The following ECT2 variants were observed in gnomAD, a reference collection of about 807,000 sequenced individuals.
The protein encoded by ECT2 is epithelial cell transforming 2.
In ECT2, 61 loss-of-function variants were observed where a neutral mutation model predicts 116.9. The observed-to-expected ratio is 0.52, with a 90% CI of 0.42 to 0.65. The LOEUF (loss-of-function observed/expected upper bound fraction) is 0.65. ECT2 is among the 30% of genes least tolerant of loss of function. The pLI is 0.00. For synonymous variants in ECT2, 358 were observed against 346.4 expected (o/e 1.03, Z -0.37); for missense variants, 937 against 1,078.7 (o/e 0.87, Z 1.84).
At position 172,816,746 on chromosome 3, in the gene ECT2, T is replaced by A. The variant is rs767483120; in HGVS notation, c.2564T>A (p.Leu855His). The stretch of plus-strand genomic sequence containing the variant: ...CCAAAAAGAGCTCTTCGAAGGGCTC[T>A]TATGACATCCCACGGCTCAGTGGAG... ...KTPKRALRRALMTSHGSVEGR... is the reference protein window; with the variant it reads ...KTPKRALRRAHMTSHGSVEGR... The change falls in exon 24 of 25, where the codon CTT becomes CAT. Residue 855 changes from leucine to histidine, a missense_variant. Coordinates refer to ENST00000392692, the MANE Select transcript of ECT2 (RefSeq NM_001258315.2). The A allele has an allele frequency of 6.2e-7, 1 of 1,610,948 alleles. No individual in the cohort carries two copies. Among genetic ancestry groups the A allele is most frequent in the Non-Finnish European group, 8.5e-7 (1 of 1,177,992 alleles).
In ECT2 at chr3:172,764,287, C is replaced by T. The variant is rs1166636030; in HGVS notation, c.1078C>T (p.Pro360Ser). The T allele has an allele frequency of 5.6e-6, 9 of 1,613,932 alleles. No individual in the cohort carries two copies. Among genetic ancestry groups the T allele is most frequent in the Non-Finnish European group, 7.6e-6 (9 of 1,179,934 alleles). ...TMYLYEKANT[P>S]ELKKSVSMLS... The stretch of plus-strand genomic sequence containing the variant: ...GTGCTTTTGATTACAGGCAAATACT[C>T]CTGAGCTCAAGAAATCAGTGTCAAT... The change falls in exon 12 of 25, where the codon CCT (proline) becomes TCT (serine). Residue 360 changes from proline to serine, a missense_variant. Transcript: ENST00000392692.
At chr3:172,797,967 A>G (rs910030549) in intron 18 of ECT2, among the ~76,000 whole-genome samples, 8 of 152,172 alleles carry the variant, frequency 5.3e-5, no homozygotes, top group African/African-American at 1.9e-4. Context: ...GTTTTGATCA[A>G]ATGTCTTGAG....
chr3:172,794,849 G>A (rs1725324611), intron 18 of ECT2, among the ~76,000 whole-genome samples: 2 of 151,946 alleles, frequency 1.3e-5, no homozygotes, highest in African/African-American at 2.4e-5. Flanking sequence ...CGAGTAGCTG[G>A]GACTACAGGT....
At chr3:172,767,224 C>T (rs1196824626) in intron 12 of ECT2, among the ~76,000 whole-genome samples, 2 of 152,124 alleles carry the variant, frequency 1.3e-5, no homozygotes, top group African/African-American at 4.8e-5. Flanking sequence ...GGGCAGATCA[C>T]GAGTTCAGGA....
intron 22 of ECT2, among the ~76,000 whole-genome samples, chr3:172,811,049 C>T (rs1339907998): frequency 2.0e-5 from 3 of 152,022 alleles, no homozygotes; most frequent in Non-Finnish European, 2.9e-5. Flanking sequence ...GTTCTCAAGT[C>T]CAGCAGAACT....
At chr3:172,800,966 T>C (rs1726606424) in intron 18 of ECT2, among the ~76,000 whole-genome samples, 1 of 152,170 alleles carries the variant, frequency 6.6e-6, no homozygotes, top group Non-Finnish European at 1.5e-5. Context: ...TAACAAAAAA[T>C]GATAACTTTT....
chr3:172,756,891 TATTGA>T, intron 4 of ECT2, 87 bp from the exon 5 acceptor site: 1 of 1,049,912 alleles, frequency 9.5e-7, no homozygotes, highest in East Asian at 2.7e-5. Flanking sequence ...TTAAAGTTGA[TATTGA>T]ATTGATTGTT....
chr3:172,806,085 A>C (rs771657575), intron 21 of ECT2: 1 of 443,632 alleles, frequency 2.3e-6, no homozygotes, highest in Non-Finnish European at 4.0e-6. Flanking sequence ...ATCTCAACCT[A>C]TAGGATACCC....
intron 18 of ECT2, among the ~76,000 whole-genome samples, chr3:172,792,997 G>GCA (rs1300101699): frequency 2.6e-5 from 4 of 152,068 alleles, no homozygotes; most frequent in African/African-American, 9.7e-5. Context: ...TGGAATTACA[G>GCA]GTGGAGCTAC....
intron 8 of ECT2, among the ~76,000 whole-genome samples, chr3:172,762,139 A>T (rs1199907374): frequency 6.6e-6 from 1 of 152,110 alleles, no homozygotes; most frequent in Non-Finnish European, 1.5e-5. Context: ...AAGCCTTGGA[A>T]CACAGTACAT....
At chr3:172,776,198 C>CTTTTTTTTTTTTTTTTTTTTT (rs60558773) in intron 14 of ECT2, among the ~76,000 whole-genome samples, 12 of 111,600 alleles carry the variant, frequency 1.1e-4, no homozygotes, top group African/African-American at 1.7e-4. Flanking sequence ...TCAGTTTTTT[C>CTTTTTTTTTTTTTTTTTTTTT]TTTTTTTTTT....
At chr3:172,763,004 G>A (rs1412899383) in intron 11 of ECT2, 32 bp downstream of exon 11, 2 of 1,604,074 alleles carry the variant, frequency 1.2e-6, no homozygotes, top group Non-Finnish European at 1.7e-6. Flanking sequence ...TATTTGTTCT[G>A]TGAGCTTGAT....
chr3:172,760,134 G>A (rs753887027), intron 6 of ECT2, 22 bp from the exon 7 acceptor site: 1 of 1,541,762 alleles, frequency 6.5e-7, no homozygotes, highest in Non-Finnish European at 8.8e-7. Flanking sequence ...TAAAGTCAGT[G>A]TTGCTTAATT....
chr3:172,801,440 T>C (rs953609989), intron 18 of ECT2, among the ~76,000 whole-genome samples: 1 of 152,206 alleles, frequency 6.6e-6, no homozygotes, highest in Non-Finnish European at 1.5e-5. Context: ...ATATCACTGT[T>C]CCATGCCATA....
chr3:172,812,623 G>A (rs1435239645), intron 22 of ECT2, among the ~76,000 whole-genome samples: 2 of 152,004 alleles, frequency 1.3e-5, no homozygotes, highest in Admixed American at 1.3e-4. Flanking sequence ...TGACATAATT[G>A]TACATGTTTT....
chr3:172,753,732 T>C (rs976463846), intron 1 of ECT2, among the ~76,000 whole-genome samples: 2 of 152,086 alleles, frequency 1.3e-5, no homozygotes, highest in Non-Finnish European at 2.9e-5. Flanking sequence ...GCCTGAAAAA[T>C]AGCTGAGAAA....
At position 172,821,090 on chromosome 3, in the gene ECT2, C is replaced by T. The variant is rs1730625950; in HGVS notation, c.*853C>T. On this transcript the variant is annotated 3_prime_UTR_variant, in exon 25 of 25. Transcript: ENST00000392692. ...CCTTCATGAAATAATTCTGAAGTTGCCATCAGTTTTACTAATCTTCTGTGA... is the reference window on the plus strand; with the variant it reads ...CCTTCATGAAATAATTCTGAAGTTGTCATCAGTTTTACTAATCTTCTGTGA... 2 of 151,828 alleles carry T rather than the reference C, an allele frequency of 1.3e-5. No homozygotes were observed. The highest frequency in any genetic ancestry group is 2.1e-4 in the South Asian group (1 of 4,826). 9.4% of individuals were successfully genotyped at this position (151,828 alleles called of 1,614,324 possible).
chr3:172,795,895 G>A lies in ECT2; in HGVS notation c.1908-6721G>A, dbSNP rs78291517. 2.3e-3 allele frequency among the ~76,000 whole-genome samples: 353 copies of A among 152,176 alleles called. 2 individuals are homozygous for A. The highest frequency in any genetic ancestry group is 8.0e-3 in the African/African-American group (331 of 41,542). On this transcript the variant is annotated intron_variant, in intron 18 of 24. Coordinates refer to ENST00000392692, the MANE Select transcript of ECT2 (RefSeq NM_001258315.2). ...TTTATAAAAAGACTAAATATACTTA[G>A]ATCTGTTAATACACATAAAATTATA...
At chr3:172,767,526 G>A (rs2108414045) in intron 12 of ECT2, among the ~76,000 whole-genome samples, 1 of 152,206 alleles carries the variant, frequency 6.6e-6, no homozygotes, top group Admixed American at 6.5e-5. Context: ...TAAAATTGAT[G>A]TGCTGGAAAT....
Sources: gnomAD v4.1 joint callset for allele counts (sites outside exome capture counted in the v4.1 genomes callset) on GRCh38, gnomAD v4.1.1 for gene constraint, MANE v1.5 for transcripts, NCBI Gene and HGNC (gene_info 2026-07-23, HGNC 2026-07-21) for gene names.